Variants in EPM2A observed in about 807,000 individuals in gnomAD.
The protein encoded by EPM2A is EPM2A glucan phosphatase, laforin, also known as laforin.
EPM2A carries 21 observed loss-of-function variants against 26.5 expected under a neutral mutation model. That is an observed-to-expected ratio of 0.79 (90% CI 0.56 to 1.14). The LOEUF (loss-of-function observed/expected upper bound fraction) is 1.14. EPM2A is among the 50% of genes most tolerant of loss of function. EPM2A has a pLI of 0.00. For synonymous variants in EPM2A, 217 were observed against 177.6 expected (o/e 1.22, Z -1.76); for missense variants, 458 against 440.8 (o/e 1.04, Z -0.35).
chr6:145,542,299 T>G (rs1780523705), intron 2 of EPM2A, among the ~76,000 whole-genome samples: 1 of 152,330 alleles, frequency 6.6e-6, no homozygotes, highest in East Asian at 1.9e-4. Flanking sequence ...CTCTTCTTCC[T>G]CTTCAAAAAG....
chr6:145,451,525 A>G (rs1464536664), intron 4 of EPM2A, among the ~76,000 whole-genome samples: 1 of 152,362 alleles, frequency 6.6e-6, no homozygotes, highest in East Asian at 1.9e-4. Flanking sequence ...AAATACAGGT[A>G]TATGTGTAGT....
At chr6:145,549,059 C>T (rs80148289) in intron 2 of EPM2A, among the ~76,000 whole-genome samples, 147 of 152,156 alleles carry the variant, frequency 9.7e-4, no homozygotes, top group African/African-American at 3.3e-3. Flanking sequence ...TGGCATCTGC[C>T]TAAATGTGAC....
intron 2 of EPM2A, among the ~76,000 whole-genome samples, chr6:145,512,697 C>A: frequency 8.9e-6 from 1 of 111,910 alleles, no homozygotes; most frequent in East Asian, 2.6e-4. Context: ...GGCAACAGAG[C>A]GAGACTCCAT....
chr6:145,710,680 A>C (rs546149702), intron 1 of EPM2A, among the ~76,000 whole-genome samples: 1 of 152,162 alleles, frequency 6.6e-6, no homozygotes, highest in African/African-American at 2.4e-5. Context: ...ATGTATGTTT[A>C]TTGCGGCATT....
At chr6:145,609,130 G>T (rs911938021) in intron 2 of EPM2A, among the ~76,000 whole-genome samples, 3 of 152,094 alleles carry the variant, frequency 2.0e-5, no homozygotes, top group African/African-American at 7.2e-5. Context: ...TAAAATCCTG[G>T]CATGTCTAAT....
chr6:145,518,184 C>A (rs911429979), intron 2 of EPM2A, among the ~76,000 whole-genome samples: 1 of 152,172 alleles, frequency 6.6e-6, no homozygotes, highest in Non-Finnish European at 1.5e-5. Context: ...ATGAACCATA[C>A]ATCATTTTCT....
chr6:145,443,962 A>G (rs1779099799), intron 4 of EPM2A, among the ~76,000 whole-genome samples: 1 of 152,184 alleles, frequency 6.6e-6, no homozygotes. Context: ...AGCCATGTGG[A>G]ACTGTAAGGC....
At chr6:145,422,305 A>G (rs1259363281) in intron 4 of EPM2A, among the ~76,000 whole-genome samples, 1 of 147,314 alleles carries the variant, frequency 6.8e-6, no homozygotes, top group African/African-American at 2.5e-5. Flanking sequence ...ATATAAATAT[A>G]TATATTTTTG....
At chr6:145,520,677 T>C (rs1780190952) in intron 2 of EPM2A, among the ~76,000 whole-genome samples, 1 of 152,174 alleles carries the variant, frequency 6.6e-6, no homozygotes, top group Admixed American at 6.5e-5. Context: ...CACAAAGATC[T>C]TTGTGAAATA....
chr6:145,388,802 T>C (rs1162324754), intron 4 of EPM2A, among the ~76,000 whole-genome samples: 1 of 152,172 alleles, frequency 6.6e-6, no homozygotes, highest in Non-Finnish European at 1.5e-5. Context: ...CTGAGAATGA[T>C]GGTTTCCAGC....
chr6:145,430,046 GCC>G (rs1778901986), intron 4 of EPM2A, among the ~76,000 whole-genome samples: 1 of 151,374 alleles, frequency 6.6e-6, no homozygotes, highest in African/African-American at 2.4e-5. Context: ...ACAAAAATTA[GCC>G]CAGCATGGTG....
intron 4 of EPM2A, among the ~76,000 whole-genome samples, chr6:145,415,280 T>C (rs1032794725): frequency 6.6e-6 from 1 of 152,218 alleles, no homozygotes; most frequent in Non-Finnish European, 1.5e-5. Flanking sequence ...ACCTGAGCCA[T>C]ACTGTTGGCT....
Position 145,627,213 on chromosome 6 carries a change from G to A in EPM2A, c.*203C>T, listed in dbSNP as rs1270039787. 3 of 1,452,806 alleles carry A rather than the reference G, an allele frequency of 2.1e-6. No individual in the cohort carries two copies. The Admixed American group carries it at 8.1e-5, about 39-fold the overall frequency. 90.0% of individuals were successfully genotyped at this position (1,452,806 alleles called of 1,614,324 possible). ...CTTCGTGCTTCTTCTCATGTGTTGAGCCACAGCTTTCTTGTAGAGTATTTC... is the reference window on the plus strand; with the variant it reads ...CTTCGTGCTTCTTCTCATGTGTTGAACCACAGCTTTCTTGTAGAGTATTTC... On this transcript the variant is annotated 3_prime_UTR_variant, in exon 4 of 4. Transcript: ENST00000367519.
chr6:145,720,138 T>C (rs956466275), intron 1 of EPM2A, among the ~76,000 whole-genome samples: 4 of 152,120 alleles, frequency 2.6e-5, no homozygotes, highest in Non-Finnish European at 4.4e-5. Flanking sequence ...AAAGACAACA[T>C]TATCAAGCTA....
At chr6:145,584,663 G>C (rs1781164119) in intron 2 of EPM2A, among the ~76,000 whole-genome samples, 1 of 152,162 alleles carries the variant, frequency 6.6e-6, no homozygotes, top group Non-Finnish European at 1.5e-5. Context: ...TCTGTGGCAA[G>C]AGTGAACCAC....
intron 2 of EPM2A, among the ~76,000 whole-genome samples, chr6:145,534,203 A>G (rs1335644299): frequency 6.6e-6 from 1 of 152,196 alleles, no homozygotes; most frequent in East Asian, 1.9e-4. Flanking sequence ...AATGGTAAGC[A>G]ATAAGGGCAC....
intron 4 of EPM2A, among the ~76,000 whole-genome samples, chr6:145,484,211 T>C (rs1306429750): frequency 2.6e-5 from 4 of 152,234 alleles, no homozygotes; most frequent in African/African-American, 9.6e-5. Context: ...TGTGTTTAGG[T>C]AGCAAGTTTT....
chr6:145,612,481 T>C (rs2128552350), intron 2 of EPM2A, among the ~76,000 whole-genome samples: 1 of 152,154 alleles, frequency 6.6e-6, no homozygotes, highest in Non-Finnish European at 1.5e-5. Context: ...TTATGCTTTA[T>C]TCTTTGGCCA....
intron 4 of EPM2A, among the ~76,000 whole-genome samples, chr6:145,453,990 A>G (rs1045450577): frequency 6.6e-6 from 1 of 152,234 alleles, no homozygotes; most frequent in Non-Finnish European, 1.5e-5. Context: ...AGCACATCCT[A>G]TGAGTTTTTC....
Sources: gnomAD v4.1 joint callset for allele counts (sites outside exome capture counted in the v4.1 genomes callset) on GRCh38, gnomAD v4.1.1 for gene constraint, MANE v1.5 for transcripts, NCBI Gene and HGNC (gene_info 2026-07-23, HGNC 2026-07-21) for gene names.